Variants in GADL1 observed in about 807,000 individuals in gnomAD.
GADL1 encodes GAD like acidic amino acid decarboxylase 1, also known as acidic amino acid decarboxylase GADL1.
In GADL1, 71 loss-of-function variants were observed where a neutral mutation model predicts 69.5. The ratio of observed to expected loss-of-function variants is 1.02; its 90% confidence interval spans 0.84 to 1.25. The LOEUF (loss-of-function observed/expected upper bound fraction) is 1.25. Ranked by LOEUF, GADL1 falls within the 50% of genes most tolerant of loss-of-function variation. The pLI is 0.00. For missense variants in GADL1, 737 were observed against 631.8 expected, an observed-to-expected ratio of 1.17 and a Z score of -1.79; for synonymous variants, 254 against 214.4, an observed-to-expected ratio of 1.18 and a Z score of -1.62.
In GADL1 at chr3:30,786,414, TAA is replaced by T. The variant is rs1188289049; in HGVS notation, c.1251-10_1251-9del. On this transcript the variant is annotated splice_polypyrimidine_tract_variant and intron_variant, in intron 12 of 14. Coordinates refer to ENST00000282538, the MANE Select transcript of GADL1 (RefSeq NM_207359.3). ...ATTTCATCTACTAGGTACCTAAAAT[TAA>T]AAGTCACAATAATATTTATAATCTG... 8 of 1,344,850 alleles carry T rather than the reference TAA, an allele frequency of 5.9e-6. No individual in the cohort carries two copies. The highest frequency in any genetic ancestry group is 4.7e-5 in the East Asian group (2 of 42,930). 83.3% of individuals were successfully genotyped at this position (1,344,850 alleles called of 1,614,324 possible). A position where few individuals can be genotyped will look rare whatever the true frequency, so the allele number is the denominator to read the frequency against.
intron 1 of GADL1, among the ~76,000 whole-genome samples, chr3:30,892,168 A>G (rs552976511): frequency 2.0e-4 from 30 of 152,356 alleles, no homozygotes; most frequent in Non-Finnish European, 3.7e-4. Context: ...CCTCTCTTGC[A>G]TGTACTACAG....
intron 14 of GADL1, among the ~76,000 whole-genome samples, chr3:30,767,904 ATACT>A (rs760744401): frequency 6.6e-6 from 1 of 152,094 alleles, no homozygotes; most frequent in Non-Finnish European, 1.5e-5. Context: ...CAAAATATAA[ATACT>A]TAAAATATGA....
intron 8 of GADL1, among the ~76,000 whole-genome samples, chr3:30,842,915 A>G (rs1195266203): frequency 6.6e-6 from 1 of 151,924 alleles, no homozygotes; most frequent in African/African-American, 2.4e-5. Context: ...TTCAAGCCAA[A>G]TATTGTGATC....
chr3:30,781,472 C>T lies in GADL1; in HGVS notation c.1303-3204G>A, dbSNP rs186965146. On this transcript the variant is annotated intron_variant, in intron 13 of 14. Transcript: ENST00000282538. ...TATTCTGTTTTAATAAATGTAAATG[C>T]AGAATCCAGCACACAGATTCAAACA... is the stretch of plus-strand genomic sequence containing the variant. Among the ~76,000 whole-genome samples, 336 of 152,206 alleles carry T rather than the reference C, an allele frequency of 2.2e-3. 2 individuals carry two copies. The highest frequency in any genetic ancestry group is 0.022 in the South Asian group (104 of 4,832).
At chr3:30,884,096 G>C (rs545778436) in intron 1 of GADL1, among the ~76,000 whole-genome samples, 1 of 152,016 alleles carries the variant, frequency 6.6e-6, no homozygotes, top group African/African-American at 2.4e-5. Context: ...GGAACAGGAA[G>C]GGAATGAGAG....
intron 4 of GADL1, among the ~76,000 whole-genome samples, chr3:30,852,660 T>A (rs1378504153): frequency 1.3e-5 from 2 of 152,106 alleles, no homozygotes; most frequent in East Asian, 3.9e-4. Context: ...AAAAAGTATT[T>A]AGCCTGTCTT....
chr3:30,771,129 C>T (rs368436272), intron 14 of GADL1, among the ~76,000 whole-genome samples: 27 of 152,072 alleles, frequency 1.8e-4, no homozygotes, highest in African/African-American at 6.0e-4. Context: ...TTTAGAAAGA[C>T]AATAATTAAC....
chr3:30,740,541 C>T (rs10433582), intron 14 of GADL1, among the ~76,000 whole-genome samples: 18,459 of 152,048 alleles, frequency 0.12, 1,303 homozygotes, highest in East Asian at 0.23. Flanking sequence ...CTATTTCACA[C>T]AATTGAACCT....
rs1166450563 is a variant in GADL1 at position 30,861,674 on chromosome 3, T to A, written c.129A>T (p.Lys43Asn). 1 of 1,550,448 alleles carries A rather than the reference T, an allele frequency of 6.4e-7. No individual in the cohort carries two copies. Among genetic ancestry groups the A allele is most frequent in the Admixed American group, 2.0e-5 (1 of 50,906 alleles). The change falls in exon 2 of 15, where the codon AAA (lysine) becomes AAT (asparagine). Residue 43 changes from lysine to asparagine, a missense_variant. Coordinates refer to ENST00000282538, the MANE Select transcript of GADL1 (RefSeq NM_207359.3). Reference sequence around the variant, plus strand: ...CCTCTTCAACAAATTTTTCTCCAGCTTTTGCATCTGTTGTAGGACCATTCA... The same window carrying A: ...CCTCTTCAACAAATTTTTCTCCAGCATTTGCATCTGTTGTAGGACCATTCA... ...VVLNGPTTDA[K>N]AGEKFVEEAC... is the part of the protein sequence containing the mutation.
intron 11 of GADL1, among the ~76,000 whole-genome samples, chr3:30,820,023 A>C (rs4955338): frequency 0.53 from 80,799 of 151,644 alleles, 25,435 homozygotes; most frequent in African/African-American, 0.87. Context: ...TTTTTAAAGA[A>C]GTTTTAAAAC....
intron 12 of GADL1, chr3:30,800,260 C>T (rs1055319579): frequency 2.0e-5 from 3 of 153,230 alleles, no homozygotes; most frequent in Non-Finnish European, 4.4e-5. Flanking sequence ...CCGAAAGGCA[C>T]TTCTTGCATG....
chr3:30,805,884 C>T lies in GADL1; in HGVS notation c.1051-4796G>A, dbSNP rs193204502. Among the ~76,000 whole-genome samples the T allele has an allele frequency of 9.0e-3, 1,364 of 151,904 alleles. 28 individuals are homozygous for T. Among genetic ancestry groups the T allele is most frequent in the African/African-American group, 0.031 (1,301 of 41,336 alleles). On this transcript the variant is annotated intron_variant, in intron 11 of 14. Transcript: ENST00000282538. Reference sequence around the variant, plus strand: ...AGGCATTAGAGTCTCATAAGAATCACGTGACCTAGATCCCTCTTACGCACG... The same window carrying T: ...AGGCATTAGAGTCTCATAAGAATCATGTGACCTAGATCCCTCTTACGCACG...
chr3:30,801,747 C>A (rs185456815), intron 11 of GADL1, among the ~76,000 whole-genome samples: 1 of 152,100 alleles, frequency 6.6e-6, no homozygotes, highest in African/African-American at 2.4e-5. Context: ...CTATTCATCA[C>A]GATTATAGGG....
intron 11 of GADL1, among the ~76,000 whole-genome samples, chr3:30,829,488 C>A (rs1368855311): frequency 6.6e-6 from 1 of 151,818 alleles, no homozygotes; most frequent in Admixed American, 6.6e-5. Flanking sequence ...AACAGAAGAA[C>A]CAATTAGAAT....
intron 12 of GADL1, among the ~76,000 whole-genome samples, chr3:30,788,927 A>G (rs1252136524): frequency 6.6e-6 from 1 of 152,090 alleles, no homozygotes; most frequent in Admixed American, 6.6e-5. Context: ...ATCTTCAGTG[A>G]CTTCCTTCCC....
intron 14 of GADL1, among the ~76,000 whole-genome samples, chr3:30,764,930 CAA>C (rs35246170): frequency 0.44 from 66,625 of 151,682 alleles, 14,607 homozygotes; most frequent in African/African-American, 0.46. Context: ...GAACATCCTG[CAA>C]AGAGGGGGGA....
intron 3 of GADL1, among the ~76,000 whole-genome samples, chr3:30,856,438 AAAT>A (rs1698232265): frequency 1.3e-5 from 2 of 152,096 alleles, no homozygotes; most frequent in African/African-American, 2.4e-5. Flanking sequence ...CATCACTGTG[AAAT>A]AATCTCATCA....
chr3:30,840,903 C>G (rs978610222), intron 8 of GADL1, among the ~76,000 whole-genome samples: 1 of 152,212 alleles, frequency 6.6e-6, no homozygotes, highest in Non-Finnish European at 1.5e-5. Flanking sequence ...ACAACTCTAA[C>G]AAAATGTCTC....
intron 14 of GADL1, among the ~76,000 whole-genome samples, chr3:30,733,524 TC>T (rs1312544241): frequency 1.3e-5 from 2 of 152,266 alleles, no homozygotes; most frequent in East Asian, 3.9e-4. Flanking sequence ...CCCAAAACTA[TC>T]ACTGAGACTT....
Sources: allele counts gnomAD v4.1 joint callset (sites outside exome capture counted in the v4.1 genomes callset), GRCh38; gene constraint gnomAD v4.1.1; transcripts MANE v1.5; gene names NCBI Gene and HGNC (gene_info 2026-07-23, HGNC 2026-07-21).